The following RSPO4 variants were observed in gnomAD, a reference collection of about 807,000 sequenced individuals.
RSPO4 encodes the protein R-spondin 4.
Under a neutral mutation model 24.8 loss-of-function variants are expected in RSPO4, and 23 were observed. The observed-to-expected ratio is 0.93, with a 90% CI of 0.67 to 1.31. The LOEUF (loss-of-function observed/expected upper bound fraction) is 1.31, where lower values mean the gene tolerates loss of function less well. RSPO4 is among the 40% of genes most tolerant of loss of function. The pLI, the probability that RSPO4 is intolerant of heterozygous loss-of-function variation, is 0.00. For missense variants in RSPO4, 333 were observed against 316.5 expected (o/e 1.05, Z -0.39); for synonymous variants, 141 against 127.4 (o/e 1.11, Z -0.72).
chr20:998,980 GCT>G (rs977075800), intron 1 of RSPO4, among the ~76,000 whole-genome samples: 4 of 147,918 alleles, frequency 2.7e-5, no homozygotes, highest in South Asian at 2.1e-4. Flanking sequence ...ACTCTCTCTC[GCT>G]CTCTTTTTTT....
chr20:963,456 C>T (rs1433594196), intron 4 of RSPO4, among the ~76,000 whole-genome samples: 3 of 152,206 alleles, frequency 2.0e-5, no homozygotes, highest in Middle Eastern at 3.4e-3. Flanking sequence ...GTACTTGGGG[C>T]GCTGACCACG....
intron 1 of RSPO4, among the ~76,000 whole-genome samples, chr20:991,478 G>A (rs1372187320): frequency 6.6e-6 from 1 of 151,886 alleles, no homozygotes; most frequent in Non-Finnish European, 1.5e-5. Flanking sequence ...GTAATACAAG[G>A]AAGCCCTACA....
At chr20:990,418 C>A (rs779030213) in intron 1 of RSPO4, among the ~76,000 whole-genome samples, 1 of 152,170 alleles carries the variant, frequency 6.6e-6, no homozygotes, top group Non-Finnish European at 1.5e-5. Flanking sequence ...ACACAAACAT[C>A]CCAAGTGTAT....
At chr20:992,777 G>T (rs139641559) in intron 1 of RSPO4, among the ~76,000 whole-genome samples, 1 of 152,154 alleles carries the variant, frequency 6.6e-6, no homozygotes, top group Non-Finnish European at 1.5e-5. Context: ...GTGGCACCAG[G>T]CCCTTTTAAC....
chr20:983,058 G>T (rs527246930), intron 1 of RSPO4, among the ~76,000 whole-genome samples: 1 of 152,362 alleles, frequency 6.6e-6, no homozygotes, highest in Middle Eastern at 3.4e-3. Flanking sequence ...AACCTTCTAA[G>T]GGGAGCTGAA....
chr20:964,345 C>T (rs1984112450), intron 3 of RSPO4, among the ~76,000 whole-genome samples: 1 of 152,128 alleles, frequency 6.6e-6, no homozygotes, highest in African/African-American at 2.4e-5. Flanking sequence ...GACTGTCTAG[C>T]TTTAAAGGAA....
chr20:980,814 G>A (rs879781597), intron 1 of RSPO4, among the ~76,000 whole-genome samples: 1 of 152,120 alleles, frequency 6.6e-6, no homozygotes, highest in Non-Finnish European at 1.5e-5. Flanking sequence ...GTCGCCTCTC[G>A]ACACATGCGG....
chr20:967,934 G>A lies in RSPO4; in HGVS notation c.268+16C>T. ...GGAGCCCAGCACTAGCATAGAACAA[G>A]GGAGAAGCCACGTACTTTTGCACCT... On this transcript the variant is annotated intron_variant, in intron 2 of 4. Coordinates refer to ENST00000217260, the MANE Select transcript of RSPO4 (RefSeq NM_001029871.4). The A allele has an allele frequency of 6.2e-7, 1 of 1,613,396 alleles. No individual in the cohort carries two copies. Among genetic ancestry groups the A allele is most frequent in the Non-Finnish European group, 8.5e-7 (1 of 1,179,346 alleles).
chr20:989,605 G>A (rs2122258724), intron 1 of RSPO4, among the ~76,000 whole-genome samples: 1 of 152,246 alleles, frequency 6.6e-6, no homozygotes, highest in South Asian at 2.1e-4. Flanking sequence ...GGAGTTGGGG[G>A]CTCCACCTTG....
intron 1 of RSPO4, among the ~76,000 whole-genome samples, chr20:994,411 A>G (rs907985844): frequency 2.0e-5 from 3 of 147,924 alleles, no homozygotes; most frequent in Non-Finnish European, 4.4e-5. Flanking sequence ...AAAATCACAC[A>G]GCCAAACCTC....
In RSPO4 at chr20:962,245, T is replaced by C. The variant is rs111820979; in HGVS notation, c.595+1690A>G. Among the ~76,000 whole-genome samples, 282 of 152,206 alleles carry C rather than the reference T, an allele frequency of 1.9e-3. 1 individual carries two copies. Among genetic ancestry groups the C allele is most frequent in the African/African-American group, 6.5e-3 (270 of 41,518 alleles). On this transcript the variant is annotated intron_variant, in intron 4 of 4. Transcript: ENST00000217260. Reference sequence around the variant, plus strand: ...GTGCAAGTGCTACCATGTGATATGATGGAAAATGACTCCGGGGAGGGGGAC... The same window carrying C: ...GTGCAAGTGCTACCATGTGATATGACGGAAAATGACTCCGGGGAGGGGGAC...
chr20:996,517 G>C (rs948840592), intron 1 of RSPO4, among the ~76,000 whole-genome samples: 4 of 152,182 alleles, frequency 2.6e-5, no homozygotes, highest in African/African-American at 9.7e-5. Context: ...CAGAGGTCTT[G>C]TCCATGATGT....
chr20:972,729 G>A, intron 1 of RSPO4, among the ~76,000 whole-genome samples: 1 of 152,180 alleles, frequency 6.6e-6, no homozygotes, highest in East Asian at 1.9e-4. Flanking sequence ...ATTGACTGAT[G>A]ATGTCGGGTT....
At position 970,233 on chromosome 20, in the gene RSPO4, G is replaced by T. The variant is rs1984366143; in HGVS notation, c.80-2095C>A. On this transcript the variant is annotated intron_variant, in intron 1 of 4. Transcript: ENST00000217260. The surrounding 1 kb of genome is among the most constrained non-coding windows in gnomAD (Gnocchi z 4.1). ...GGAGGCAGGGCAGGCTCTCTGCCCA[G>T]CCCTGGCTGAGGCCTTTCTCTCTCC... 6.6e-6 allele frequency among the ~76,000 whole-genome samples: 1 copy of T among 152,120 alleles called. No individual in the cohort carries two copies. Among genetic ancestry groups the T allele is most frequent in the African/African-American group, 2.4e-5 (1 of 41,440 alleles).
intron 1 of RSPO4, among the ~76,000 whole-genome samples, chr20:979,469 AAC>A (rs1279605896): frequency 6.6e-6 from 1 of 152,214 alleles, no homozygotes; most frequent in Non-Finnish European, 1.5e-5. Context: ...TCTACGTAGA[AAC>A]ACTTATTTGC....
At chr20:987,227 G>C (rs1230498309) in intron 1 of RSPO4, among the ~76,000 whole-genome samples, 1 of 152,214 alleles carries the variant, frequency 6.6e-6, no homozygotes, top group Non-Finnish European at 1.5e-5. Context: ...CCTGGCCCCT[G>C]TCTGGGTAGC....
At chr20:999,504 G>A (rs1250874203) in intron 1 of RSPO4, among the ~76,000 whole-genome samples, 1 of 152,188 alleles carries the variant, frequency 6.6e-6, no homozygotes, top group Non-Finnish European at 1.5e-5. Context: ...CTATGGGCGG[G>A]GGACAGAGAA....
chr20:991,487 C>T (rs186821370), intron 1 of RSPO4, among the ~76,000 whole-genome samples: 13 of 151,560 alleles, frequency 8.6e-5, no homozygotes, highest in African/African-American at 3.2e-4. Context: ...GGAAGCCCTA[C>T]AAATTGACAA....
chr20:995,626 A>G (rs6056488), intron 1 of RSPO4, among the ~76,000 whole-genome samples: 32,999 of 152,112 alleles, frequency 0.22, 7,991 homozygotes, highest in African/African-American at 0.59. Context: ...AACTAAGGCA[A>G]TTGTTTGGAG....
Sources: gnomAD v4.1 joint callset for allele counts (sites outside exome capture counted in the v4.1 genomes callset) on GRCh38, gnomAD v4.1.1 for gene constraint, Gnocchi (gnomAD v3.1) non-coding constraint, MANE v1.5 for transcripts, NCBI Gene and HGNC (gene_info 2026-07-23, HGNC 2026-07-21) for gene names.